Variants in ZBTB20 observed in about 807,000 individuals in gnomAD.
The protein encoded by ZBTB20 is zinc finger and BTB domain containing 20.
A neutral mutation model predicts 56.9 loss-of-function variants in ZBTB20; 9 were observed. That is an observed-to-expected ratio of 0.16 (90% CI 0.10 to 0.28). The LOEUF (loss-of-function observed/expected upper bound fraction) is 0.28. Ranked by LOEUF, ZBTB20 falls within the 10% of genes least tolerant of loss-of-function variation. The pLI is 1.00. For synonymous variants in ZBTB20, 417 were observed against 420.7 expected (o/e 0.99, Z 0.11); for missense variants, 655 against 1,003.0 (o/e 0.65, Z 4.69).
At chr3:114,615,580 C>T (rs2057876757) in intron 6 of ZBTB20, among the ~76,000 whole-genome samples, 2 of 152,166 alleles carry the variant, frequency 1.3e-5, no homozygotes, top group South Asian at 4.1e-4. Flanking sequence ...AACAAGAACT[C>T]CTGTACTCTG....
chr3:114,919,123 A>T (rs1051377314), intron 3 of ZBTB20, among the ~76,000 whole-genome samples: 18 of 152,186 alleles, frequency 1.2e-4, no homozygotes, highest in Admixed American at 3.3e-4. Context: ...ATCAAAAACA[A>T]CTATAGCTAG....
intron 3 of ZBTB20, among the ~76,000 whole-genome samples, chr3:114,925,129 A>G (rs1486120317): frequency 1.3e-5 from 2 of 151,452 alleles, no homozygotes; most frequent in East Asian, 3.9e-4. Context: ...AATTACAGGC[A>G]CATGCCACCA....
intron 6 of ZBTB20, among the ~76,000 whole-genome samples, chr3:114,635,452 G>C (rs1452255096): frequency 1.3e-5 from 2 of 152,132 alleles, no homozygotes; most frequent in East Asian, 1.9e-4. Context: ...CATCCTGAAA[G>C]AAACAGAGAT....
intron 4 of ZBTB20, among the ~76,000 whole-genome samples, chr3:114,815,269 C>T (rs1421796980): frequency 1.3e-5 from 2 of 152,158 alleles, no homozygotes. Flanking sequence ...GTAGGCTATA[C>T]ATAACACATT....
At chr3:114,692,042 A>C (rs1305520098) in intron 6 of ZBTB20, among the ~76,000 whole-genome samples, 3 of 152,150 alleles carry the variant, frequency 2.0e-5, no homozygotes, top group African/African-American at 7.2e-5. Context: ...ACGTCAATAC[A>C]GATTTTATCT....
intron 6 of ZBTB20, among the ~76,000 whole-genome samples, chr3:114,592,383 A>C (rs1032017539): frequency 1.3e-5 from 2 of 152,208 alleles, no homozygotes; most frequent in African/African-American, 2.4e-5. Flanking sequence ...GGGCAAATCG[A>C]TTTCATTAGG....
At chr3:114,698,360 T>C (rs1014277029) in intron 5 of ZBTB20, among the ~76,000 whole-genome samples, 1 of 152,078 alleles carries the variant, frequency 6.6e-6, no homozygotes, top group East Asian at 1.9e-4. Context: ...TGAGGAACAA[T>C]ATTCATAAAG....
chr3:114,566,343 A>G (rs983610393), intron 6 of ZBTB20, among the ~76,000 whole-genome samples: 16 of 152,212 alleles, frequency 1.1e-4, no homozygotes, highest in African/African-American at 3.1e-4. Context: ...CGAGGATAAC[A>G]TCACAGACCA....
At chr3:114,583,910 T>G (rs1256984519) in intron 6 of ZBTB20, among the ~76,000 whole-genome samples, 2 of 152,158 alleles carry the variant, frequency 1.3e-5, no homozygotes, top group Non-Finnish European at 2.9e-5. Context: ...AATGAAAGTT[T>G]TAGGCCGAGC....
intron 6 of ZBTB20, among the ~76,000 whole-genome samples, chr3:114,648,490 G>A (rs1242095284): frequency 6.6e-6 from 1 of 151,844 alleles, no homozygotes; most frequent in Non-Finnish European, 1.5e-5. Context: ...TGGCATGATG[G>A]CATCTTAAAT....
intron 6 of ZBTB20, among the ~76,000 whole-genome samples, chr3:114,612,450 T>C (rs1262115007): frequency 6.6e-6 from 1 of 152,190 alleles, no homozygotes; most frequent in Non-Finnish European, 1.5e-5. Context: ...TTTAGCATCA[T>C]ACTTATTTCT....
rs2078995457 is a variant in ZBTB20, at chr3:114,324,397, C to A, written c.*14608G>T. 1 of 152,146 alleles carries A rather than the reference C, an allele frequency of 6.6e-6. No homozygotes were observed. Among genetic ancestry groups the A allele is most frequent in the Non-Finnish European group, 1.5e-5 (1 of 68,010 alleles). 9.4% of individuals were successfully genotyped at this position (152,146 alleles called of 1,614,324 possible). On this transcript the variant is annotated 3_prime_UTR_variant, in exon 12 of 12. Transcript: ENST00000675478. The stretch of plus-strand genomic sequence containing the variant: ...AGTGCAATCAGCTATTCCTCAAGGG[C>A]TACAGGCAGCAGCCACCTAACATAA...
intron 7 of ZBTB20, among the ~76,000 whole-genome samples, chr3:114,448,361 T>C (rs769035567): frequency 5.3e-5 from 8 of 152,178 alleles, no homozygotes; most frequent in Non-Finnish European, 1.2e-4. Flanking sequence ...TTTTCTCTGG[T>C]ATTTCCTGGT....
At chr3:114,369,919 C>T (rs2082820043) in intron 10 of ZBTB20, among the ~76,000 whole-genome samples, 1 of 152,140 alleles carries the variant, frequency 6.6e-6, no homozygotes, top group African/African-American at 2.4e-5. Context: ...CTATCCTCTG[C>T]TTAGTGTTCA....
intron 1 of ZBTB20, among the ~76,000 whole-genome samples, chr3:115,108,312 TG>T (rs1364592652): frequency 6.6e-6 from 1 of 152,176 alleles, no homozygotes; most frequent in Non-Finnish European, 1.5e-5. Flanking sequence ...TTCATGGGAA[TG>T]GAATTGTCCT....
At chr3:114,510,497 CT>C (rs561052542) in intron 6 of ZBTB20, among the ~76,000 whole-genome samples, 67 of 145,802 alleles carry the variant, frequency 4.6e-4, no homozygotes, top group Middle Eastern at 3.6e-3. Context: ...CCACACTGAG[CT>C]TTTTTTTTTT....
chr3:114,350,938 G>A lies in ZBTB20; in HGVS notation c.1140C>T (p.Ser380=). 1 of 1,605,922 alleles carries A rather than the reference G, an allele frequency of 6.2e-7. No individual in the cohort carries two copies. ...PKGESFDSGV[S]SSIGTEPDSV... is the part of the protein sequence containing the mutation. ...AGTCAGGCTCGGTGCCTATGGAGGA[G>A]CTGACGCCCGAGTCGAAGCTTTCAC... The change falls in exon 11 of 12, where the codon AGC becomes AGT. Residue 380 remains serine (S), a synonymous_variant. Transcript: ENST00000675478.
rs201682673 is a variant in ZBTB20, at chr3:114,708,056, G to GT, written c.-342-14482dup. Reference sequence around the variant, plus strand: ...AGTTAGGACAAGCAAGAGAGGTAAGGTTTTTTCTTTCTTTTTGTTATTTGT... The same window carrying GT: ...AGTTAGGACAAGCAAGAGAGGTAAGGTTTTTTTCTTTCTTTTTGTTATTTGT... On this transcript the variant is annotated intron_variant, in intron 5 of 11. Transcript: ENST00000675478. Among the ~76,000 whole-genome samples the GT allele has an allele frequency of 8.3e-3, 1,262 of 152,252 alleles. 13 individuals are homozygous for GT. Among genetic ancestry groups the GT allele is most frequent in the African/African-American group, 0.027 (1,134 of 41,538 alleles).
chr3:114,729,449 T>G (rs1472057615), intron 5 of ZBTB20, among the ~76,000 whole-genome samples: 2 of 152,238 alleles, frequency 1.3e-5, no homozygotes, highest in Non-Finnish European at 2.9e-5. Context: ...TGCATGCATT[T>G]ACTTGTGTAG....
Sources: allele counts gnomAD v4.1 joint callset (sites outside exome capture counted in the v4.1 genomes callset), GRCh38; gene constraint gnomAD v4.1.1; transcripts MANE v1.5; gene names NCBI Gene and HGNC (gene_info 2026-07-23, HGNC 2026-07-21).